The following IQSEC3 variants were observed in gnomAD, a reference collection of about 807,000 sequenced individuals.
The protein encoded by IQSEC3 is IQ motif and SEC7 domain-containing protein 3.
Under a neutral mutation model 105.4 loss-of-function variants are expected in IQSEC3, and 50 were observed. The ratio of observed to expected loss-of-function variants is 0.47; its 90% CI spans 0.38 to 0.60. IQSEC3 has a LOEUF of 0.60. IQSEC3 is among the 20% of genes least tolerant of loss of function. The pLI, the probability that IQSEC3 is intolerant of heterozygous loss-of-function variation, is 0.00. For missense variants in IQSEC3, 1,415 were observed against 1,630.0 expected (o/e 0.87, Z 2.27); for synonymous variants, 708 against 746.0 (o/e 0.95, Z 0.83).
At chr12:111,034 C>G (rs143555532) in intron 2 of IQSEC3, among the ~76,000 whole-genome samples, 1 of 152,138 alleles carries the variant, frequency 6.6e-6, no homozygotes, top group African/African-American at 2.4e-5. Flanking sequence ...TCTTGCTGCC[C>G]CCCGATCGCC....
At chr12:102,320 C>A (rs1555076403) in intron 2 of IQSEC3, among the ~76,000 whole-genome samples, 2 of 152,200 alleles carry the variant, frequency 1.3e-5, no homozygotes, top group African/African-American at 2.4e-5. Context: ...ATAGGAGACC[C>A]CAGTAAGGAA....
intron 1 of IQSEC3, among the ~76,000 whole-genome samples, chr12:82,068 A>G (rs531532330): frequency 6.6e-6 from 1 of 152,350 alleles, no homozygotes; most frequent in Admixed American, 6.5e-5. Flanking sequence ...AATCAACCAA[A>G]TAGAACATGT....
chr12:112,596 G>A (rs1237966944), intron 2 of IQSEC3, among the ~76,000 whole-genome samples: 1 of 152,142 alleles, frequency 6.6e-6, no homozygotes, highest in East Asian at 1.9e-4. Context: ...CCTAGACAAG[G>A]CACAAGGCAT....
intron 2 of IQSEC3, among the ~76,000 whole-genome samples, chr12:102,205 C>T (rs1864448137): frequency 6.6e-6 from 1 of 151,784 alleles, no homozygotes; most frequent in Non-Finnish European, 1.5e-5. Flanking sequence ...TGGCTCCTCC[C>T]CCATCAGTCT....
intron 2 of IQSEC3, among the ~76,000 whole-genome samples, chr12:115,308 T>C (rs1383700709): frequency 1.3e-5 from 2 of 152,060 alleles, no homozygotes; most frequent in African/African-American, 4.8e-5. Context: ...CCAAGAAACA[T>C]GTGCTCTGCT....
At chr12:79,914 T>G (rs539733146) in intron 1 of IQSEC3, among the ~76,000 whole-genome samples, 1 of 152,334 alleles carries the variant, frequency 6.6e-6, no homozygotes, top group South Asian at 2.1e-4. Context: ...GAGATACTAG[T>G]ATCCTATATG....
intron 1 of IQSEC3, among the ~76,000 whole-genome samples, chr12:71,606 T>C (rs1863321234): frequency 1.3e-5 from 2 of 152,268 alleles, no homozygotes; most frequent in Admixed American, 6.5e-5. Flanking sequence ...AGCAGAAAAT[T>C]CAATCTATGG....
In IQSEC3 at chr12:99,227, G is replaced by A. The variant is rs1864340780; in HGVS notation, c.623+13G>A. ...TGGCCTCCCAAAGGTGGGAACTGTG[G>A]CCCTTCCTCCCTTCCGCATCCCCAC... On this transcript the variant is annotated intron_variant, in intron 2 of 13. Transcript: ENST00000538872. 1.9e-6 allele frequency: 3 copies of A among 1,596,980 alleles called. No individual in the cohort carries two copies. The highest frequency in any genetic ancestry group is 1.3e-5 in the African/African-American group (1 of 74,982).
chr12:119,987 T>G (rs1555081558), intron 2 of IQSEC3, among the ~76,000 whole-genome samples: 2 of 152,160 alleles, frequency 1.3e-5, no homozygotes, highest in Non-Finnish European at 2.9e-5. Flanking sequence ...GGAAAAGTAG[T>G]GGAGAATAAA....
intron 1 of IQSEC3, among the ~76,000 whole-genome samples, chr12:74,865 A>T (rs1403590926): frequency 1.3e-5 from 2 of 152,290 alleles, no homozygotes; most frequent in African/African-American, 4.8e-5. Flanking sequence ...CAAACTAGCT[A>T]GTGTCAGAAC....
At chr12:94,700 G>C (rs1864192119) in intron 1 of IQSEC3, among the ~76,000 whole-genome samples, 1 of 152,268 alleles carries the variant, frequency 6.6e-6, no homozygotes, top group South Asian at 2.1e-4. Flanking sequence ...AGGACCAGCA[G>C]GTGCCTGCCC....
intron 4 of IQSEC3, chr12:140,794 C>T (rs781898655): frequency 4.1e-5 from 11 of 271,100 alleles, no homozygotes; most frequent in Non-Finnish European, 6.2e-5. Flanking sequence ...GGGGCGTCTG[C>T]GGTGGGGACC....
Position 92,192 on chromosome 12 carries a change from C to T in IQSEC3, c.555-6954C>T, listed in dbSNP as rs192569543. 7.9e-4 allele frequency among the ~76,000 whole-genome samples: 121 copies of T among 152,270 alleles called. 2 individuals are homozygous for T. The highest frequency in any genetic ancestry group is 3.1e-3 in the Admixed American group (48 of 15,306). On this transcript the variant is annotated intron_variant, in intron 1 of 13. Coordinates refer to ENST00000538872, the MANE Select transcript of IQSEC3 (RefSeq NM_001170738.2). Reference sequence around the variant, plus strand: ...CTGAATTCTGCTTCAAGCCATTGGCCCTGGAAGAAGTCTTTGGCTGGGATT... The same window carrying T: ...CTGAATTCTGCTTCAAGCCATTGGCTCTGGAAGAAGTCTTTGGCTGGGATT...
intron 1 of IQSEC3, among the ~76,000 whole-genome samples, chr12:86,247 G>C (rs1863914277): frequency 6.6e-6 from 1 of 152,224 alleles, no homozygotes; most frequent in Non-Finnish European, 1.5e-5. Context: ...ACAAGGGAAG[G>C]CTTTGTGGGA....
intron 3 of IQSEC3, among the ~76,000 whole-genome samples, chr12:130,952 A>G (rs1431166945): frequency 6.7e-6 from 1 of 149,726 alleles, no homozygotes; most frequent in Non-Finnish European, 1.5e-5. Context: ...TTGGATGGGA[A>G]CAAACCCTTG....
chr12:111,406 C>T (rs782340755), intron 2 of IQSEC3, among the ~76,000 whole-genome samples: 2 of 152,150 alleles, frequency 1.3e-5, no homozygotes, highest in Non-Finnish European at 2.9e-5. Context: ...TTCTCCCCAG[C>T]GGACTATTTG....
At chr12:74,790 C>T (rs1321798755) in intron 1 of IQSEC3, among the ~76,000 whole-genome samples, 3 of 152,390 alleles carry the variant, frequency 2.0e-5, no homozygotes, top group African/African-American at 7.2e-5. Context: ...TTAAGGTAAC[C>T]TGTTCAAGAT....
In IQSEC3 at chr12:174,910, G is replaced by A; in HGVS notation, c.3426G>A (p.Lys1142=). 1 of 1,558,670 alleles carries A rather than the reference G, an allele frequency of 6.4e-7. No homozygotes were observed. The highest frequency in any genetic ancestry group is 8.6e-7 in the Non-Finnish European group (1 of 1,160,366). ...TPLGGPGSPV[K]VTHQPPLPPP... ...TGGGCGGTCCCGGCTCTCCGGTCAAGGTCACCCACCAGCCTCCGCTGCCCC... is the reference window on the plus strand; with the variant it reads ...TGGGCGGTCCCGGCTCTCCGGTCAAAGTCACCCACCAGCCTCCGCTGCCCC... Residue 1142 remains lysine, a synonymous_variant, in exon 14 of 14, where the codon AAG becomes AAA. Coordinates refer to ENST00000538872, the MANE Select transcript of IQSEC3 (RefSeq NM_001170738.2).
chr12:92,375 G>A (rs1288652060), intron 1 of IQSEC3, among the ~76,000 whole-genome samples: 2 of 152,182 alleles, frequency 1.3e-5, no homozygotes, highest in Non-Finnish European at 2.9e-5. Flanking sequence ...CAGGGCCACA[G>A]CCTTGGGCTG....
Sources: gnomAD v4.1 joint callset for allele counts (sites outside exome capture counted in the v4.1 genomes callset) on GRCh38, gnomAD v4.1.1 for gene constraint, MANE v1.5 for transcripts, NCBI Gene and HGNC (gene_info 2026-07-23, HGNC 2026-07-21) for gene names.